The following XYLT1 variants were observed in gnomAD, a reference collection of about 807,000 sequenced individuals.
XYLT1 encodes beta-D-xylosyltransferase 1.
In XYLT1, 36 loss-of-function variants were observed where a neutral mutation model predicts 91.3. The ratio of observed to expected loss-of-function variants is 0.39; its 90% CI spans 0.30 to 0.52. The LOEUF (loss-of-function observed/expected upper bound fraction) is 0.52. Ranked by LOEUF, XYLT1 falls within the 20% of genes least tolerant of loss-of-function variation. The pLI, the probability that XYLT1 is intolerant of heterozygous loss-of-function variation, is 0.68. For synonymous variants in XYLT1, 588 were observed against 532.0 expected (o/e 1.11, Z -1.45); for missense variants, 1,242 against 1,284.5 (o/e 0.97, Z 0.51).
At chr16:17,320,771 CA>C (rs1283447676) in intron 2 of XYLT1, among the ~76,000 whole-genome samples, 4 of 146,420 alleles carry the variant, frequency 2.7e-5, no homozygotes, top group Non-Finnish European at 6.0e-5. Flanking sequence ...TGAGCCACCG[CA>C]TCTGGCCGAC....
intron 2 of XYLT1, among the ~76,000 whole-genome samples, chr16:17,355,905 G>T (rs1452393700): frequency 2.6e-5 from 4 of 151,832 alleles, no homozygotes; most frequent in Non-Finnish European, 2.9e-5. Context: ...GTAGAGATGG[G>T]GTTTCACCAT....
chr16:17,366,478 T>A (rs1488834370), intron 1 of XYLT1, among the ~76,000 whole-genome samples: 1 of 152,212 alleles, frequency 6.6e-6, no homozygotes, highest in Non-Finnish European at 1.5e-5. Flanking sequence ...ACGGATCACT[T>A]GCGGTCAGGA....
intron 2 of XYLT1, among the ~76,000 whole-genome samples, chr16:17,346,388 G>A (rs765334433): frequency 3.3e-5 from 5 of 152,114 alleles, no homozygotes; most frequent in Non-Finnish European, 5.9e-5. Context: ...GTGAATGAAC[G>A]CAGCAGGCCA....
intron 2 of XYLT1, among the ~76,000 whole-genome samples, chr16:17,289,606 A>T (rs1022454737): frequency 2.0e-5 from 3 of 152,212 alleles, no homozygotes; most frequent in African/African-American, 7.2e-5. Context: ...GGGAATTTAA[A>T]AAGTTCTGAT....
intron 2 of XYLT1, among the ~76,000 whole-genome samples, chr16:17,337,775 C>CTTTTTTTTTTT (rs71373106): frequency 8.8e-6 from 1 of 114,192 alleles, no homozygotes; most frequent in African/African-American, 4.2e-5. Flanking sequence ...CACATTTTTT[C>CTTTTTTTTTTT]TTTTTCTTTT....
At position 17,201,835 on chromosome 16, in the gene XYLT1, C is replaced by G. The variant is rs536194432; in HGVS notation, c.914-1181G>C. Reference sequence around the variant, plus strand: ...GATTCTATGAGCCTTTCTGTTCCCACACGGAGAGAGGTTGCCTGAGAAGAA... The same window carrying G: ...GATTCTATGAGCCTTTCTGTTCCCAGACGGAGAGAGGTTGCCTGAGAAGAA... On this transcript the variant is annotated intron_variant, in intron 3 of 11. Transcript: ENST00000261381. Among the ~76,000 whole-genome samples the G allele has an allele frequency of 5.3e-5, 8 of 152,222 alleles. No homozygotes were observed. The East Asian group carries it at 1.5e-3, about 29-fold the overall frequency.
At chr16:17,155,051 G>A (rs530841903) in intron 6 of XYLT1, among the ~76,000 whole-genome samples, 25 of 152,274 alleles carry the variant, frequency 1.6e-4, no homozygotes, top group African/African-American at 5.8e-4. Context: ...TTTTCAAAGG[G>A]AGAAAATGAA....
intron 2 of XYLT1, among the ~76,000 whole-genome samples, chr16:17,304,292 T>A (rs1171834984): frequency 6.6e-6 from 1 of 152,196 alleles, no homozygotes; most frequent in Non-Finnish European, 1.5e-5. Context: ...GAGGAGCAGA[T>A]GTGCTGGAAT....
intron 2 of XYLT1, among the ~76,000 whole-genome samples, chr16:17,273,892 A>T (rs895558356): frequency 6.6e-6 from 1 of 151,156 alleles, no homozygotes; most frequent in African/African-American, 2.4e-5. Context: ...TGCACCCATC[A>T]TTCATTCGGT....
chr16:17,256,153 G>T (rs2033627750), intron 3 of XYLT1, among the ~76,000 whole-genome samples: 1 of 152,214 alleles, frequency 6.6e-6, no homozygotes, highest in African/African-American at 2.4e-5. Flanking sequence ...CCATAAGGAA[G>T]GTTTGCTGTC....
intron 10 of XYLT1, among the ~76,000 whole-genome samples, chr16:17,124,839 T>C (rs951566702): frequency 3.3e-5 from 5 of 152,218 alleles, no homozygotes; most frequent in Non-Finnish European, 5.9e-5. Context: ...TTGAAAGCCT[T>C]GTCTTCAAGT....
chr16:17,134,692 A>G lies in XYLT1; in HGVS notation c.1808T>C (p.Val603Ala). The change falls in exon 9 of 12, where the codon GTG becomes GCG. Residue 603 changes from valine (V) to alanine (A), a missense_variant. Physicochemically the swap from Val to Ala is moderately conservative, Grantham distance 64. Coordinates refer to ENST00000261381, the MANE Select transcript of XYLT1 (RefSeq NM_022166.4). Reference sequence around the variant, plus strand: ...CTGCCCAATGATTTCCTGATTCACCACGGCTTCAAACTTGCGGGCAAAGAA... The same window carrying G: ...CTGCCCAATGATTTCCTGATTCACCGCGGCTTCAAACTTGCGGGCAAAGAA... ...PTFFARKFEA[V>A]VNQEIIGQLD... is the part of the protein sequence containing the mutation. 1.9e-6 allele frequency: 3 copies of G among 1,614,070 alleles called. No individual in the cohort carries two copies. The highest frequency in any genetic ancestry group is 2.5e-6 in the Non-Finnish European group (3 of 1,180,010).
chr16:17,216,007 C>T (rs139534698), intron 3 of XYLT1, among the ~76,000 whole-genome samples: 1 of 152,148 alleles, frequency 6.6e-6, no homozygotes, highest in Admixed American at 6.5e-5. Flanking sequence ...TGTGGGATGC[C>T]TTGCTTCATG....
At chr16:17,354,755 T>C (rs1298712115) in intron 2 of XYLT1, 1 of 152,176 alleles carries the variant, frequency 6.6e-6, no homozygotes, top group Admixed American at 6.5e-5. Flanking sequence ...GTTCATGGCA[T>C]ATGGGTAACA....
At chr16:17,146,493 C>A (rs189314630) in intron 6 of XYLT1, among the ~76,000 whole-genome samples, 3 of 152,036 alleles carry the variant, frequency 2.0e-5, no homozygotes, top group African/African-American at 7.3e-5. Context: ...CCCTACAGGG[C>A]GGTCAGACAG....
intron 9 of XYLT1, among the ~76,000 whole-genome samples, chr16:17,131,519 CAGGG>C (rs2030476241): frequency 6.6e-6 from 1 of 152,162 alleles, no homozygotes; most frequent in Admixed American, 6.5e-5. Flanking sequence ...GCCCACCCTG[CAGGG>C]GGCACACTGA....
intron 1 of XYLT1, among the ~76,000 whole-genome samples, chr16:17,410,266 T>G (rs2141910609): frequency 6.6e-6 from 1 of 152,326 alleles, no homozygotes; most frequent in Admixed American, 6.5e-5. Context: ...GCTTTGATTC[T>G]CCACTGCCTG....
chr16:17,356,212 A>G (rs936269955), intron 2 of XYLT1, among the ~76,000 whole-genome samples: 2 of 152,226 alleles, frequency 1.3e-5, no homozygotes, highest in Non-Finnish European at 2.9e-5. Context: ...GATTAAGGTA[A>G]GTCTATTTCT....
intron 9 of XYLT1, among the ~76,000 whole-genome samples, chr16:17,131,616 G>C (rs2030480425): frequency 6.6e-6 from 1 of 152,038 alleles, no homozygotes; most frequent in African/African-American, 2.4e-5. Context: ...CTGGATGGTA[G>C]ATTATATGCA....
Sources: gnomAD v4.1 joint callset for allele counts (sites outside exome capture counted in the v4.1 genomes callset) on GRCh38, gnomAD v4.1.1 for gene constraint, MANE v1.5 for transcripts, NCBI Gene and HGNC (gene_info 2026-07-23, HGNC 2026-07-21) for gene names.